The following EEPD1 variants were observed in gnomAD, a reference collection of about 807,000 sequenced individuals.
The protein encoded by EEPD1 is endonuclease/exonuclease/phosphatase family domain-containing protein 1.
In EEPD1, 17 loss-of-function variants were observed where a neutral mutation model predicts 46.3. The observed-to-expected ratio is 0.37, with a 90% CI of 0.25 to 0.55. The LOEUF is 0.55. Ranked by LOEUF, EEPD1 falls within the 20% of genes least tolerant of loss-of-function variation. EEPD1 has a pLI of 0.83. For synonymous variants in EEPD1, 313 were observed against 315.6 expected (o/e 0.99, Z 0.09); for missense variants, 673 against 745.6 (o/e 0.90, Z 1.13).
At chr7:36,186,031 G>A (rs1227635328) in intron 2 of EEPD1, among the ~76,000 whole-genome samples, 1 of 152,018 alleles carries the variant, frequency 6.6e-6, no homozygotes, top group African/African-American at 2.4e-5. Context: ...TTTCCTTTCT[G>A]GAACTTATAT....
intron 2 of EEPD1, among the ~76,000 whole-genome samples, chr7:36,189,980 C>A (rs1346272725): frequency 2.0e-5 from 3 of 151,742 alleles, no homozygotes; most frequent in Non-Finnish European, 4.4e-5. Flanking sequence ...GTAGTGAGAG[C>A]CTGTATCTTA....
chr7:36,244,795 C>T lies in EEPD1; in HGVS notation c.930+5759C>T, dbSNP rs561995416. On this transcript the variant is annotated intron_variant, in intron 3 of 7. Coordinates refer to ENST00000242108, the MANE Select transcript of EEPD1 (RefSeq NM_030636.3). ...TTTTTTTTTTTTTTTTTTTTGGAGACGGAGTCTTGCCCTGTTGCCCAGGCT... is the reference window on the plus strand; with the variant it reads ...TTTTTTTTTTTTTTTTTTTTGGAGATGGAGTCTTGCCCTGTTGCCCAGGCT... Among the ~76,000 whole-genome samples the T allele has an allele frequency of 4.3e-3, 520 of 121,304 alleles. 3 individuals carry two copies. The highest frequency in any genetic ancestry group is 9.2e-3 in the Middle Eastern group (2 of 218). The allele number at this position is 121,304 out of a possible 152,430, so 79.6% of individuals were successfully genotyped here.
chr7:36,283,912 G>A (rs1356748068), intron 4 of EEPD1, among the ~76,000 whole-genome samples: 3 of 152,228 alleles, frequency 2.0e-5, no homozygotes, highest in Admixed American at 2.0e-4. Context: ...CGGGTGCTGA[G>A]GAAGCATTCT....
intron 2 of EEPD1, among the ~76,000 whole-genome samples, chr7:36,179,369 T>G (rs188954480): frequency 1.6e-3 from 239 of 151,476 alleles, no homozygotes; most frequent in Non-Finnish European, 2.4e-3. Context: ...AATATATATA[T>G]TGGGGTTACA....
In EEPD1 at chr7:36,298,904, C is replaced by T. The variant is rs550677824; in HGVS notation, c.1511-103C>T. Reference sequence around the variant, plus strand: ...CCTGAGGCAGCCTCTCCGGGCACCCCGGCCTGCAGACATGCGGTGTGACCC... The same window carrying T: ...CCTGAGGCAGCCTCTCCGGGCACCCTGGCCTGCAGACATGCGGTGTGACCC... On this transcript the variant is annotated intron_variant, in intron 7 of 7. Transcript: ENST00000242108. 33 of 1,382,532 alleles carry T rather than the reference C, an allele frequency of 2.4e-5. 1 individual carries two copies. In the Admixed American group the frequency reaches 5.6e-4, roughly 24 times the overall value. The allele number at this position is 1,382,532 out of a possible 1,614,324, so 85.6% of individuals were successfully genotyped here.
At chr7:36,292,351 TC>T (rs1171583638) in intron 6 of EEPD1, among the ~76,000 whole-genome samples, 2 of 149,448 alleles carry the variant, frequency 1.3e-5, no homozygotes, top group Non-Finnish European at 3.0e-5. Context: ...TTTCTTTCTT[TC>T]TTTTTTCTTT....
intron 2 of EEPD1, among the ~76,000 whole-genome samples, chr7:36,156,413 C>T (rs1562667304): frequency 6.6e-6 from 1 of 152,154 alleles, no homozygotes. Context: ...CTTTTGCAGC[C>T]TAACTCACTC....
intron 3 of EEPD1, among the ~76,000 whole-genome samples, chr7:36,265,128 C>T (rs981823796): frequency 4.6e-5 from 7 of 152,206 alleles, no homozygotes; most frequent in Admixed American, 4.6e-4. Context: ...TAGCTGAAGG[C>T]TGGCATCGCA....
intron 3 of EEPD1, among the ~76,000 whole-genome samples, chr7:36,273,160 A>T (rs1312525131): frequency 2.8e-5 from 4 of 141,944 alleles, no homozygotes; most frequent in African/African-American, 7.6e-5. Flanking sequence ...ACACACACAC[A>T]CTCACGGGTC....
intron 3 of EEPD1, among the ~76,000 whole-genome samples, chr7:36,263,353 G>C (rs1485318306): frequency 6.6e-6 from 1 of 152,114 alleles, no homozygotes; most frequent in Non-Finnish European, 1.5e-5. Context: ...GGAAAAAGCA[G>C]AGTTAATTAG....
In EEPD1 at chr7:36,284,667, G is replaced by A; in HGVS notation, c.1042-19G>A. On this transcript the variant is annotated intron_variant, in intron 4 of 7. Coordinates refer to ENST00000242108, the MANE Select transcript of EEPD1 (RefSeq NM_030636.3). The stretch of plus-strand genomic sequence containing the variant: ...GCTAGGGCTCTGGCACCAAGACTCT[G>A]TCTCCCTCTCCGCTGCAGGGAGCTG... The A allele has an allele frequency of 1.2e-6, 2 of 1,607,890 alleles. No homozygotes were observed. The highest frequency in any genetic ancestry group is 1.7e-6 in the Non-Finnish European group (2 of 1,177,168).
At chr7:36,277,845 G>C (rs927660375) in intron 3 of EEPD1, among the ~76,000 whole-genome samples, 3 of 83,406 alleles carry the variant, frequency 3.6e-5, no homozygotes, top group African/African-American at 1.2e-4. Context: ...TGCTCTGTGG[G>C]CTGAGAGAGG....
At chr7:36,271,323 C>A (rs1408404506) in intron 3 of EEPD1, among the ~76,000 whole-genome samples, 1 of 152,090 alleles carries the variant, frequency 6.6e-6, no homozygotes, top group Non-Finnish European at 1.5e-5. Context: ...GAGATGGTAT[C>A]TCATTGTGGT....
chr7:36,265,082 G>A (rs17208592), intron 3 of EEPD1, among the ~76,000 whole-genome samples: 17,215 of 152,172 alleles, frequency 0.11, 1,035 homozygotes, highest in East Asian at 0.22. Context: ...TATTGCCACC[G>A]CAGAGCAGAG....
At chr7:36,220,288 T>G (rs890572946) in intron 2 of EEPD1, among the ~76,000 whole-genome samples, 4 of 152,172 alleles carry the variant, frequency 2.6e-5, no homozygotes, top group Non-Finnish European at 5.9e-5. Context: ...AGATGGCTCC[T>G]TCTTGGGTGA....
intron 6 of EEPD1, among the ~76,000 whole-genome samples, chr7:36,294,674 A>G (rs946953715): frequency 6.6e-6 from 1 of 152,204 alleles, no homozygotes; most frequent in African/African-American, 2.4e-5. Flanking sequence ...ACAAATGAAA[A>G]GGCACATCAC....
At chr7:36,184,743 T>A (rs1295245859) in intron 2 of EEPD1, among the ~76,000 whole-genome samples, 1 of 152,038 alleles carries the variant, frequency 6.6e-6, no homozygotes. Context: ...TAAAAAAAAT[T>A]TTTTTGAGAC....
At chr7:36,188,221 C>G (rs929399779) in intron 2 of EEPD1, among the ~76,000 whole-genome samples, 14 of 152,226 alleles carry the variant, frequency 9.2e-5, no homozygotes, top group African/African-American at 3.4e-4. Flanking sequence ...CTTTCTCTCT[C>G]TCTCTTTCCA....
chr7:36,219,592 GAA>G (rs1438890746), intron 2 of EEPD1, among the ~76,000 whole-genome samples: 3 of 147,138 alleles, frequency 2.0e-5, no homozygotes, highest in African/African-American at 7.6e-5. Flanking sequence ...AAGAAAAGAA[GAA>G]GAAGGAGGAA....
Sources: allele counts gnomAD v4.1 joint callset (sites outside exome capture counted in the v4.1 genomes callset), GRCh38; gene constraint gnomAD v4.1.1; transcripts MANE v1.5; gene names NCBI Gene and HGNC (gene_info 2026-07-23, HGNC 2026-07-21).